Variants in BMAL2 observed in about 807,000 individuals in gnomAD.
The protein encoded by BMAL2 is basic helix-loop-helix ARNT like 2.
chr12:27,344,317 A>G, the BMAL2 span, among the ~76,000 whole-genome samples: 1 of 152,222 alleles, frequency 6.6e-6, no homozygotes, highest in Non-Finnish European at 1.5e-5. Context: ...AGTGTGGAAT[A>G]CTGGCCTACT....
chr12:27,349,760 A>G, the BMAL2 span, among the ~76,000 whole-genome samples: 1 of 152,192 alleles, frequency 6.6e-6, no homozygotes, highest in African/African-American at 2.4e-5. Flanking sequence ...TCTATGAGGT[A>G]AGTCTGGTCT....
At chr12:27,379,521 G>A in the BMAL2 span, among the ~76,000 whole-genome samples, 1 of 152,172 alleles carries the variant, frequency 6.6e-6, no homozygotes, top group Non-Finnish European at 1.5e-5. Flanking sequence ...GAACCGAGCA[G>A]GGAGAGTGGA....
the BMAL2 span, among the ~76,000 whole-genome samples, chr12:27,401,042 C>T: frequency 6.6e-6 from 1 of 152,104 alleles, no homozygotes; most frequent in Admixed American, 6.6e-5. Flanking sequence ...AGGAGCACAG[C>T]CTGGATCGGG....
chr12:27,425,065 T>C, the BMAL2 span: 2 of 152,194 alleles, frequency 1.3e-5, no homozygotes, highest in Non-Finnish European at 2.9e-5. Context: ...GGAACATGCT[T>C]TCTGAACTCA....
chr12:27,344,888 G>C, the BMAL2 span, among the ~76,000 whole-genome samples: 3 of 152,176 alleles, frequency 2.0e-5, no homozygotes, highest in Admixed American at 1.3e-4. Context: ...ATGGTGCCTG[G>C]CGTGTCAGGA....
chr12:27,395,444 A>G, the BMAL2 span, among the ~76,000 whole-genome samples: 2 of 152,148 alleles, frequency 1.3e-5, no homozygotes, highest in South Asian at 4.1e-4. Flanking sequence ...GCAAAGATAC[A>G]AGAAGGAAAG....
the BMAL2 span, among the ~76,000 whole-genome samples, chr12:27,407,324 A>G: frequency 6.6e-6 from 1 of 152,244 alleles, no homozygotes; most frequent in Non-Finnish European, 1.5e-5. Flanking sequence ...CTAATCCAAA[A>G]TTGACCACAT....
the BMAL2 span, chr12:27,377,353 A>C: frequency 6.6e-6 from 1 of 152,264 alleles, no homozygotes; most frequent in Non-Finnish European, 1.5e-5. Context: ...TGGTTCTTTC[A>C]CCTTGCCCTG....
chr12:27,377,268 T>G, the BMAL2 span, among the ~76,000 whole-genome samples: 120 of 152,328 alleles, frequency 7.9e-4, no homozygotes, highest in African/African-American at 2.5e-3. Context: ...TGGATAAATA[T>G]GCCTTTCCTT....
At chr12:27,414,890 AAGAG>A in the BMAL2 span, among the ~76,000 whole-genome samples, 5 of 152,264 alleles carry the variant, frequency 3.3e-5, no homozygotes, top group African/African-American at 7.2e-5. Flanking sequence ...TAAGAAAAAA[AAGAG>A]AGAAGTCTCA....
the BMAL2 span, among the ~76,000 whole-genome samples, chr12:27,370,675 G>A: frequency 8.6e-4 from 131 of 152,008 alleles, no homozygotes; most frequent in Non-Finnish European, 1.5e-3. Context: ...GCGCAATCTC[G>A]GCTCACTGCA....
At chr12:27,404,870 G>A in the BMAL2 span, among the ~76,000 whole-genome samples, 1 of 152,152 alleles carries the variant, frequency 6.6e-6, no homozygotes, top group Non-Finnish European at 1.5e-5. Context: ...GTGACAGATG[G>A]GCACCTGGAA....
chr12:27,352,795 A>G, the BMAL2 span, among the ~76,000 whole-genome samples: 2 of 152,222 alleles, frequency 1.3e-5, no homozygotes, highest in African/African-American at 2.4e-5. Context: ...TCATACTGCT[A>G]AGCTGAGCAC....
At chr12:27,335,725 T>G in the BMAL2 span, among the ~76,000 whole-genome samples, 1 of 143,518 alleles carries the variant, frequency 7.0e-6, no homozygotes, top group African/African-American at 2.6e-5. Flanking sequence ...AGAGAAAGAG[T>G]GAGAGGAGGG....
the BMAL2 span, among the ~76,000 whole-genome samples, chr12:27,356,619 A>G: frequency 6.6e-6 from 1 of 152,214 alleles, no homozygotes; most frequent in African/African-American, 2.4e-5. Context: ...AAATCCTTTG[A>G]TTGGCTACTG....
chr12:27,395,673 G>A, the BMAL2 span, among the ~76,000 whole-genome samples: 1 of 152,154 alleles, frequency 6.6e-6, no homozygotes, highest in Non-Finnish European at 1.5e-5. Flanking sequence ...TATAGAAGAG[G>A]TAGGAATGAT....
the BMAL2 span, among the ~76,000 whole-genome samples, chr12:27,368,699 T>C: frequency 1.3e-5 from 2 of 152,304 alleles, no homozygotes; most frequent in African/African-American, 4.8e-5. Flanking sequence ...GCCTTCCTTA[T>C]TGAAATACTT....
chr12:27,366,288 A>G, the BMAL2 span, among the ~76,000 whole-genome samples: 1 of 152,186 alleles, frequency 6.6e-6, no homozygotes, highest in African/African-American at 2.4e-5. Flanking sequence ...GTTTCAAGCT[A>G]CTAGGCATAG....
At chr12:27,371,499 C>G in the BMAL2 span, among the ~76,000 whole-genome samples, 1 of 152,254 alleles carries the variant, frequency 6.6e-6, no homozygotes, top group Non-Finnish European at 1.5e-5. Flanking sequence ...CACCATAGAG[C>G]AGAGGGTGCA....
Sources: allele counts gnomAD v4.1 joint callset (sites outside exome capture counted in the v4.1 genomes callset), GRCh38; gene constraint gnomAD v4.1.1; transcripts MANE v1.5; gene names NCBI Gene and HGNC (gene_info 2026-07-23, HGNC 2026-07-21).